Variants in CLSTN2 observed in about 807,000 individuals in gnomAD.
The protein encoded by CLSTN2 is calsyntenin 2.
CLSTN2 carries 48 observed loss-of-function variants against 101.2 expected under a neutral mutation model. That is an observed-to-expected ratio of 0.47 (90% CI 0.38 to 0.60). CLSTN2 has a LOEUF of 0.60. Ranked by LOEUF, CLSTN2 falls within the 20% of genes least tolerant of loss-of-function variation. The pLI is 0.00. For synonymous variants in CLSTN2, 481 were observed against 463.6 expected, an observed-to-expected ratio of 1.04 and a Z score of -0.48; for missense variants, 1,160 against 1,238.2, an observed-to-expected ratio of 0.94 and a Z score of 0.95.
chr3:140,018,238 A>G (rs2007240473), intron 1 of CLSTN2, among the ~76,000 whole-genome samples: 1 of 152,180 alleles, frequency 6.6e-6, no homozygotes, highest in Admixed American at 6.5e-5. Flanking sequence ...GCTTCTATTC[A>G]TATTTACTTA....
At chr3:139,972,344 C>T (rs1394902512) in intron 1 of CLSTN2, among the ~76,000 whole-genome samples, 1 of 152,084 alleles carries the variant, frequency 6.6e-6, no homozygotes. Flanking sequence ...TTCAGGCATC[C>T]TAAAAGTATT....
intron 2 of CLSTN2, among the ~76,000 whole-genome samples, chr3:140,341,718 TG>T (rs2087495195): frequency 6.6e-6 from 1 of 152,128 alleles, no homozygotes; most frequent in African/African-American, 2.4e-5. Context: ...ACACCTCCAG[TG>T]GCTTTTTGTC....
At chr3:140,524,298 C>A (rs1935091934) in intron 8 of CLSTN2, among the ~76,000 whole-genome samples, 1 of 152,148 alleles carries the variant, frequency 6.6e-6, no homozygotes, top group South Asian at 2.1e-4. Flanking sequence ...GCAAGTACAC[C>A]ATTTAGAAGA....
intron 1 of CLSTN2, among the ~76,000 whole-genome samples, chr3:140,139,430 C>T (rs547705673): frequency 8.5e-5 from 13 of 152,286 alleles, no homozygotes; most frequent in Non-Finnish European, 5.9e-5. Flanking sequence ...GAGGGTCCAC[C>T]GCATTGCAGG....
At chr3:140,417,945 T>G (rs1333527072) in intron 4 of CLSTN2, among the ~76,000 whole-genome samples, 1 of 152,206 alleles carries the variant, frequency 6.6e-6, no homozygotes, top group Non-Finnish European at 1.5e-5. Context: ...TCAGACACTT[T>G]CATTAAGACT....
intron 1 of CLSTN2, among the ~76,000 whole-genome samples, chr3:140,108,903 C>G (rs1423969518): frequency 6.6e-6 from 1 of 152,176 alleles, no homozygotes; most frequent in Admixed American, 6.5e-5. Context: ...ACTGGGAGAG[C>G]TCCATTTATG....
intron 1 of CLSTN2, among the ~76,000 whole-genome samples, chr3:140,121,718 C>A (rs1221282453): frequency 6.6e-6 from 1 of 152,118 alleles, no homozygotes; most frequent in Non-Finnish European, 1.5e-5. Context: ...GTTCTGTGGT[C>A]TGGAAGAAAA....
At chr3:140,376,647 T>A (rs1183025079) in intron 2 of CLSTN2, among the ~76,000 whole-genome samples, 1 of 152,248 alleles carries the variant, frequency 6.6e-6, no homozygotes, top group African/African-American at 2.4e-5. Flanking sequence ...TGCATAGGGT[T>A]CCTGTGAGGA....
At chr3:140,250,635 C>A (rs1263210718) in intron 2 of CLSTN2, among the ~76,000 whole-genome samples, 1 of 152,188 alleles carries the variant, frequency 6.6e-6, no homozygotes, top group Non-Finnish European at 1.5e-5. Flanking sequence ...GAGGAGCAGA[C>A]AGACATTTCT....
intron 1 of CLSTN2, among the ~76,000 whole-genome samples, chr3:140,153,302 C>G (rs2009897616): frequency 6.6e-6 from 1 of 152,226 alleles, no homozygotes; most frequent in Admixed American, 6.5e-5. Context: ...ATTAAAAAAG[C>G]AAATTGTCCT....
intron 15 of CLSTN2, 64 bp downstream of exon 15, chr3:140,563,267 C>T: frequency 1.3e-6 from 2 of 1,562,712 alleles, no homozygotes; most frequent in Non-Finnish European, 8.8e-7. Flanking sequence ...AGATTATCTA[C>T]TCAACAGACG....
In CLSTN2 at chr3:140,403,501, G is replaced by C. The variant is rs967318601; in HGVS notation, c.233-128G>C. The C allele has an allele frequency of 1.5e-5, 12 of 788,474 alleles. No individual in the cohort carries two copies. In the African/African-American group the frequency reaches 1.9e-4, roughly 13 times the overall value. The allele number at this position is 788,474 out of a possible 1,614,324, so 48.8% of individuals were successfully genotyped here. A position where few individuals can be genotyped will look rare whatever the true frequency, so the allele number is the denominator to read the frequency against. ...GGCAATGCTGATGCTGCTGGCTCGT[G>C]GACCACACTATGTGCGTGGAAGAAA... On this transcript the variant is annotated intron_variant, in intron 2 of 16. Coordinates refer to ENST00000458420, the MANE Select transcript of CLSTN2 (RefSeq NM_022131.3).
chr3:140,511,697 C>T (rs1934818473), intron 8 of CLSTN2, among the ~76,000 whole-genome samples: 5 of 150,640 alleles, frequency 3.3e-5, no homozygotes, highest in African/African-American at 4.9e-5. Flanking sequence ...CTACAGATGC[C>T]AGCCACCACA....
At chr3:140,058,585 A>G (rs1488815864) in intron 1 of CLSTN2, among the ~76,000 whole-genome samples, 1 of 152,164 alleles carries the variant, frequency 6.6e-6, no homozygotes, top group African/African-American at 2.4e-5. Context: ...CTGGGAAGGA[A>G]AGGTCTATAA....
intron 2 of CLSTN2, among the ~76,000 whole-genome samples, chr3:140,321,223 T>C (rs2087280554): frequency 6.6e-6 from 1 of 151,922 alleles, no homozygotes; most frequent in Non-Finnish European, 1.5e-5. Context: ...TGAAGAAGAG[T>C]TAGAAAGGGT....
At chr3:140,260,837 C>T (rs747497173) in intron 2 of CLSTN2, among the ~76,000 whole-genome samples, 2 of 152,008 alleles carry the variant, frequency 1.3e-5, no homozygotes, top group Non-Finnish European at 2.9e-5. Flanking sequence ...TTTTGGTGAC[C>T]CTGACAGTTT....
At chr3:140,057,991 C>T (rs2008130963) in intron 1 of CLSTN2, among the ~76,000 whole-genome samples, 1 of 152,148 alleles carries the variant, frequency 6.6e-6, no homozygotes. Flanking sequence ...GAAGTTCACG[C>T]TCTGCAAGGC....
intron 2 of CLSTN2, among the ~76,000 whole-genome samples, chr3:140,380,791 C>A (rs527993298): frequency 7.9e-5 from 12 of 152,184 alleles, no homozygotes; most frequent in Non-Finnish European, 1.2e-4. Context: ...GACAGGCAAC[C>A]CATGGCTGAA....
At chr3:140,456,973 T>C (rs1482550453) in intron 6 of CLSTN2, among the ~76,000 whole-genome samples, 1 of 152,098 alleles carries the variant, frequency 6.6e-6, no homozygotes, top group Non-Finnish European at 1.5e-5. Flanking sequence ...TCTATATATA[T>C]CCAAACCTGT....
Sources: allele counts gnomAD v4.1 joint callset (sites outside exome capture counted in the v4.1 genomes callset), GRCh38; gene constraint gnomAD v4.1.1; transcripts MANE v1.5; gene names NCBI Gene and HGNC (gene_info 2026-07-23, HGNC 2026-07-21).